The following THSD4 variants were observed in gnomAD, a reference collection of about 807,000 sequenced individuals.
The protein encoded by THSD4 is thrombospondin type-1 domain-containing protein 4.
In THSD4, 69 loss-of-function variants were observed where a neutral mutation model predicts 119.0. That is an observed-to-expected ratio of 0.58 (90% CI 0.48 to 0.71). THSD4 has a LOEUF of 0.71. Ranked by LOEUF, THSD4 falls within the 30% of genes least tolerant of loss-of-function variation. THSD4 has a pLI of 0.00. For missense variants in THSD4, 1,393 were observed against 1,391.1 expected (o/e 1.00, Z -0.02); for synonymous variants, 524 against 540.4 (o/e 0.97, Z 0.42).
intron 6 of THSD4, among the ~76,000 whole-genome samples, chr15:71,351,800 C>G (rs2045746967): frequency 6.6e-6 from 1 of 152,192 alleles, no homozygotes; most frequent in South Asian, 2.1e-4. Flanking sequence ...ACACTTCTCC[C>G]AACTTGGTCC....
chr15:71,560,240 G>A (rs1045256540), intron 7 of THSD4, among the ~76,000 whole-genome samples: 2 of 152,184 alleles, frequency 1.3e-5, no homozygotes, highest in South Asian at 2.1e-4. Flanking sequence ...ATATCAGAAT[G>A]TATTGAATTC....
chr15:71,608,241 T>C (rs1228505528), intron 7 of THSD4, among the ~76,000 whole-genome samples: 2,713 of 80,182 alleles, frequency 0.034, 42 homozygotes, highest in Middle Eastern at 0.079. Context: ...AAAAAAAATA[T>C]ATATATATAC....
chr15:71,240,663 T>C (rs1392776214), intron 4 of THSD4, among the ~76,000 whole-genome samples: 2 of 152,194 alleles, frequency 1.3e-5, no homozygotes, highest in African/African-American at 4.8e-5. Context: ...AATTTTTTGG[T>C]AGACTTTCAG....
In THSD4 at chr15:71,609,855, AAAAAAAAAAAAAG is replaced by A. The variant is rs549231651; in HGVS notation, c.1153-50667_1153-50655del. On this transcript the variant is annotated intron_variant, in intron 7 of 17. Transcript: ENST00000261862. ...CGACAGAGCAAGACTCCGTCTCAAA[AAAAAAAAAAAAAG>A]AAAAAAAGAAAAAGAAACAACAACC... Among the ~76,000 whole-genome samples the A allele has an allele frequency of 3.6e-3, 537 of 149,242 alleles. 4 individuals are homozygous for A. The highest frequency in any genetic ancestry group is 0.012 in the South Asian group (58 of 4,740).
At chr15:71,417,163 A>G (rs144426854) in intron 7 of THSD4, among the ~76,000 whole-genome samples, 2,912 of 107,368 alleles carry the variant, frequency 0.027, 886 homozygotes, top group African/African-American at 0.078. Context: ...GTTTGCAAAT[A>G]TTTTCTCCCA....
intron 6 of THSD4, among the ~76,000 whole-genome samples, chr15:71,339,930 A>C (rs1446723991): frequency 6.6e-6 from 1 of 152,042 alleles, no homozygotes; most frequent in East Asian, 1.9e-4. Context: ...ATGCCCGGCT[A>C]ATTTTTGTAT....
intron 1 of THSD4, among the ~76,000 whole-genome samples, chr15:71,134,510 A>G (rs187120052): frequency 6.6e-5 from 10 of 152,112 alleles, no homozygotes; most frequent in African/African-American, 2.2e-4. Context: ...GCTTTCTAAG[A>G]GGGAAAAGTC....
At chr15:71,467,845 G>GTT (rs34603517) in intron 7 of THSD4, among the ~76,000 whole-genome samples, 107,189 of 143,840 alleles carry the variant, frequency 0.75, 40,049 homozygotes, top group African/African-American at 0.77. Context: ...AGATATGATG[G>GTT]TTTTTTTTTT....
At chr15:71,457,672 A>G (rs924346247) in intron 7 of THSD4, among the ~76,000 whole-genome samples, 3 of 151,996 alleles carry the variant, frequency 2.0e-5, no homozygotes, top group Admixed American at 2.0e-4. Context: ...TACCAGGCTC[A>G]CTCATTCACT....
intron 3 of THSD4, among the ~76,000 whole-genome samples, chr15:71,199,627 GGTGTGTGTGGT>G (rs1323081350): frequency 4.1e-4 from 28 of 68,914 alleles, no homozygotes; most frequent in Admixed American, 3.1e-3. Flanking sequence ...GTGGGTGTGT[GGTGTGTGTGGT>G]GTGTGTGTGG....
At chr15:71,216,631 A>G in intron 4 of THSD4, among the ~76,000 whole-genome samples, 1 of 152,188 alleles carries the variant, frequency 6.6e-6, no homozygotes, top group African/African-American at 2.4e-5. Context: ...TCCAAGACTG[A>G]GCATGGAGGG....
intron 16 of THSD4, among the ~76,000 whole-genome samples, chr15:71,766,049 G>A (rs11858702): frequency 0.019 from 2,901 of 152,054 alleles, 97 homozygotes; most frequent in African/African-American, 0.066. Flanking sequence ...AAATCTTGTG[G>A]CCCTCTAAGT....
At chr15:71,119,024 G>A (rs377036383) in intron 1 of THSD4, among the ~76,000 whole-genome samples, 2 of 152,182 alleles carry the variant, frequency 1.3e-5, no homozygotes, top group African/African-American at 4.8e-5. Context: ...TAGCCTCACT[G>A]GGGCCATGCT....
At chr15:71,315,242 C>G (rs1395478567) in intron 6 of THSD4, among the ~76,000 whole-genome samples, 2 of 152,262 alleles carry the variant, frequency 1.3e-5, no homozygotes, top group Non-Finnish European at 2.9e-5. Flanking sequence ...GTGCTCTGGG[C>G]TGGCTCTAAC....
intron 6 of THSD4, among the ~76,000 whole-genome samples, chr15:71,383,953 C>T (rs1425970025): frequency 6.6e-6 from 1 of 152,132 alleles, no homozygotes; most frequent in Non-Finnish European, 1.5e-5. Context: ...GAACTAATCC[C>T]CTGTGGATAT....
intron 10 of THSD4, among the ~76,000 whole-genome samples, chr15:71,736,534 G>T (rs1035070754): frequency 2.7e-5 from 4 of 147,868 alleles, no homozygotes; most frequent in African/African-American, 5.0e-5. Flanking sequence ...TGTCTCTCTT[G>T]CTCTCTGTCT....
intron 3 of THSD4, among the ~76,000 whole-genome samples, chr15:71,171,399 A>G (rs1567144722): frequency 1.3e-5 from 2 of 152,200 alleles, no homozygotes; most frequent in Non-Finnish European, 2.9e-5. Context: ...TAAAAGAATA[A>G]AATTGTTAAC....
intron 6 of THSD4, among the ~76,000 whole-genome samples, chr15:71,363,461 G>C (rs1407850098): frequency 2.0e-5 from 3 of 152,098 alleles, no homozygotes; most frequent in African/African-American, 7.2e-5. Context: ...GTGATCCCTG[G>C]GCAGGGGAGA....
chr15:71,135,392 CAAAAA>C (rs1170278742), intron 1 of THSD4, among the ~76,000 whole-genome samples: 1 of 122,528 alleles, frequency 8.2e-6, no homozygotes, highest in African/African-American at 3.2e-5. Flanking sequence ...TACTAAATGA[CAAAAA>C]AAAAAAAAAA....
Sources: gnomAD v4.1 joint callset for allele counts (sites outside exome capture counted in the v4.1 genomes callset) on GRCh38, gnomAD v4.1.1 for gene constraint, MANE v1.5 for transcripts, NCBI Gene and HGNC (gene_info 2026-07-23, HGNC 2026-07-21) for gene names.